The following SYBU variants were observed in gnomAD, a reference collection of about 807,000 sequenced individuals.
SYBU encodes GOLSYN A protein.
In SYBU, 21 loss-of-function variants were observed where a neutral mutation model predicts 35.9. The ratio of observed to expected loss-of-function variants is 0.58; its 90% confidence interval spans 0.41 to 0.84. SYBU has a LOEUF of 0.84. Ranked by LOEUF, SYBU falls within the 40% of genes least tolerant of loss-of-function variation. The probability of loss-of-function intolerance (pLI) is 0.00; values close to 1 mark genes in which losing one functional copy is unlikely to be tolerated. For missense variants in SYBU, 768 were observed against 848.2 expected (o/e 0.91, Z 1.17); for synonymous variants, 319 against 324.3 (o/e 0.98, Z 0.18).
At chr8:109,660,211 G>A (rs1429784763) in intron 1 of SYBU, among the ~76,000 whole-genome samples, 2 of 152,156 alleles carry the variant, frequency 1.3e-5, no homozygotes, top group Non-Finnish European at 2.9e-5. Context: ...TAGGAAGGAA[G>A]TTGGTTCACA....
At chr8:109,579,637 A>G (rs1369627114) in intron 5 of SYBU, among the ~76,000 whole-genome samples, 162 bp downstream of exon 5, 2 of 152,212 alleles carry the variant, frequency 1.3e-5, no homozygotes, top group Admixed American at 1.3e-4. Flanking sequence ...CTCTTTCTGC[A>G]GCAGCCCTTG....
chr8:109,632,649 A>T (rs1027250207), intron 2 of SYBU, among the ~76,000 whole-genome samples: 16 of 100,790 alleles, frequency 1.6e-4, no homozygotes, highest in South Asian at 3.0e-4. Flanking sequence ...CTTCTTTTTT[A>T]AAAAAAAGAA....
At chr8:109,578,759 G>A (rs1303776857) in intron 5 of SYBU, among the ~76,000 whole-genome samples, 3 of 152,292 alleles carry the variant, frequency 2.0e-5, no homozygotes, top group East Asian at 1.9e-4. Context: ...CAGAAGAGAA[G>A]GAAGCCAGCC....
At chr8:109,636,649 C>A (rs1469113044) in intron 2 of SYBU, among the ~76,000 whole-genome samples, 1 of 152,158 alleles carries the variant, frequency 6.6e-6, no homozygotes, top group African/African-American at 2.4e-5. Flanking sequence ...TCAGGGTATA[C>A]TCTTGGTATC....
At chr8:109,663,038 GA>G (rs1170794535) in intron 1 of SYBU, among the ~76,000 whole-genome samples, 2 of 152,126 alleles carry the variant, frequency 1.3e-5, no homozygotes, top group African/African-American at 2.4e-5. Context: ...GTCATTAAGA[GA>G]AACCTGGATC....
At chr8:109,675,060 A>C (rs1465663988) in intron 1 of SYBU, among the ~76,000 whole-genome samples, 1 of 152,244 alleles carries the variant, frequency 6.6e-6, no homozygotes, top group East Asian at 1.9e-4. Context: ...AACGAAATTA[A>C]GGCAGAAATA....
chr8:109,679,465 G>C (rs1054150877), intron 1 of SYBU, among the ~76,000 whole-genome samples: 1 of 152,154 alleles, frequency 6.6e-6, no homozygotes, highest in African/African-American at 2.4e-5. Context: ...CTCTCCCTTG[G>C]GGTCTGGATC....
intron 2 of SYBU, among the ~76,000 whole-genome samples, chr8:109,634,885 T>C (rs1349542045): frequency 2.0e-5 from 3 of 152,206 alleles, no homozygotes; most frequent in Non-Finnish European, 2.9e-5. Context: ...TCTACCTCAG[T>C]CTTGTTAATA....
chr8:109,576,272 C>A (rs1024317771), intron 6 of SYBU, among the ~76,000 whole-genome samples: 22 of 152,150 alleles, frequency 1.4e-4, no homozygotes, highest in Non-Finnish European at 2.8e-4. Flanking sequence ...TGAACTTTCT[C>A]TTTACTTGTA....
upstream of SYBU, chr8:109,645,368 T>C (rs779139107): frequency 6.6e-6 from 3 of 456,332 alleles, no homozygotes; most frequent in Admixed American, 2.3e-5. Flanking sequence ...TGGATTCTAC[T>C]TGGAAGGGGT....
At chr8:109,616,708 T>C (rs1374213190) in intron 3 of SYBU, among the ~76,000 whole-genome samples, 12 of 152,102 alleles carry the variant, frequency 7.9e-5, no homozygotes, top group Non-Finnish European at 1.5e-5. Flanking sequence ...TTTTTTTTTT[T>C]TTTCAATCTA....
chr8:109,677,198 G>GA (rs943256571), intron 1 of SYBU, among the ~76,000 whole-genome samples: 8 of 151,290 alleles, frequency 5.3e-5, no homozygotes, highest in Admixed American at 1.3e-4. Flanking sequence ...TTACAAAACT[G>GA]AAAAAAAATG....
chr8:109,668,180 G>C (rs1816835099), intron 1 of SYBU, among the ~76,000 whole-genome samples: 1 of 149,732 alleles, frequency 6.7e-6, no homozygotes, highest in African/African-American at 2.5e-5. Flanking sequence ...GAGAGAGAGA[G>C]AGAGAGAGAG....
chr8:109,589,692 G>A (rs1824005029), intron 3 of SYBU, among the ~76,000 whole-genome samples: 2 of 152,144 alleles, frequency 1.3e-5, no homozygotes, highest in Non-Finnish European at 2.9e-5. Context: ...TAACGCCAGG[G>A]AATTAGAAAA....
intron 3 of SYBU, among the ~76,000 whole-genome samples, chr8:109,586,717 G>GT (rs1428261273): frequency 6.6e-6 from 1 of 152,172 alleles, no homozygotes; most frequent in East Asian, 1.9e-4. Flanking sequence ...TCTGACTGCA[G>GT]TTTTGGTTTT....
intron 1 of SYBU, among the ~76,000 whole-genome samples, chr8:109,677,198 GA>G (rs943256571): frequency 6.6e-6 from 1 of 151,290 alleles, no homozygotes; most frequent in Admixed American, 6.6e-5. Flanking sequence ...TTACAAAACT[GA>G]AAAAAAATGT....
chr8:109,574,966 CCT>C lies in SYBU; in HGVS notation c.1930_1931del (p.Arg644GlyfsTer65). On this transcript the variant is annotated frameshift_variant, in exon 7 of 7. Coordinates refer to ENST00000276646, the MANE Select transcript of SYBU (RefSeq NM_001099754.2). LOFTEE classifies it high-confidence loss of function. ...AATGCAGGGCAACCACGCAACAGCC[CCT>C]GAGCAAGGCCCCGATGTTATACACA... ...DPVYNIGALL[R>X]GCCVVALHSL... The C allele has an allele frequency of 6.6e-7, 1 of 1,525,262 alleles. No homozygotes were observed. The highest frequency in any genetic ancestry group is 8.8e-7 in the Non-Finnish European group (1 of 1,137,078). The allele number at this position is 1,525,262 out of a possible 1,614,324, so 94.5% of individuals were successfully genotyped here.
chr8:109,581,935 T>A (rs1219349146), intron 4 of SYBU, among the ~76,000 whole-genome samples: 3 of 152,248 alleles, frequency 2.0e-5, no homozygotes, highest in African/African-American at 7.2e-5. Context: ...GATGGGCTGA[T>A]GGCTTTGTGA....
chr8:109,594,470 G>A (rs562863781), intron 3 of SYBU, among the ~76,000 whole-genome samples: 21 of 152,144 alleles, frequency 1.4e-4, no homozygotes, highest in African/African-American at 2.9e-4. Context: ...TTCACAACTC[G>A]TTGCCAAGAC....
Sources: allele counts gnomAD v4.1 joint callset (sites outside exome capture counted in the v4.1 genomes callset), GRCh38; gene constraint gnomAD v4.1.1; transcripts MANE v1.5; gene names NCBI Gene and HGNC (gene_info 2026-07-23, HGNC 2026-07-21).